ZNF445: variants seen among roughly 807,000 people sequenced by gnomAD.
The protein encoded by ZNF445 is zinc finger protein 168.
ZNF445 carries 19 observed loss-of-function variants against 93.9 expected under a neutral mutation model. The ratio of observed to expected loss-of-function variants is 0.20; its 90% CI spans 0.14 to 0.30. ZNF445 has a LOEUF of 0.30. Ranked by LOEUF, ZNF445 falls within the 10% of genes least tolerant of loss-of-function variation. The probability of loss-of-function intolerance (pLI) is 1.00; values close to 1 mark genes in which losing one functional copy is unlikely to be tolerated. For synonymous variants in ZNF445, 449 were observed against 446.3 expected, an observed-to-expected ratio of 1.01 and a Z score of -0.08; for missense variants, 1,058 against 1,259.4, an observed-to-expected ratio of 0.84 and a Z score of 2.42.
chr3:44,447,386 TAGG>T lies in ZNF445; in HGVS notation c.2282_2284del (p.Pro761_Tyr762delinsHis), dbSNP rs1383843512. On this transcript the variant is annotated inframe_deletion, in exon 8 of 8. Coordinates refer to ENST00000396077, the MANE Select transcript of ZNF445 (RefSeq NM_181489.6). This position sits in a 1 kb window ranked among gnomAD's most constrained non-coding sequence, Gnocchi z 4.7. ...GGCCTTGCCACACTGGCTGCATTTG[TAGG>T]GCTCCTCTTTGGAGTGACTGCTCTG... The T allele has an allele frequency of 1.2e-6, 2 of 1,614,168 alleles. No homozygotes were observed. Among genetic ancestry groups the T allele is most frequent in the Non-Finnish European group, 1.7e-6 (2 of 1,180,022 alleles).
intron 1 of ZNF445, among the ~76,000 whole-genome samples, chr3:44,459,242 T>C (rs1698074231): frequency 6.6e-6 from 1 of 152,216 alleles, no homozygotes; most frequent in South Asian, 2.1e-4. Flanking sequence ...AATAAATTGA[T>C]AAATGTGTTT....
At position 44,455,515 on chromosome 3, in the gene ZNF445, G is replaced by C; in HGVS notation, c.35C>G (p.Ala12Gly). 4 of 1,608,062 alleles carry C rather than the reference G, an allele frequency of 2.5e-6. No homozygotes were observed. The highest frequency in any genetic ancestry group is 3.4e-6 in the Non-Finnish European group (4 of 1,177,010). The change falls in exon 3 of 8, where the codon GCT becomes GGT. Residue 12 changes from alanine (A) to glycine (G), a missense_variant. Around this residue, in one of 3 missense-constraint regions of ZNF445, gnomAD observed 657 missense variants for 746.4 expected, o/e 0.88. Coordinates refer to ENST00000396077, the MANE Select transcript of ZNF445 (RefSeq NM_181489.6). Reference protein sequence around the residue: ...PPGRWHAAYPAQAQSSRERGR... With the variant: ...PPGRWHAAYPGQAQSSRERGR... ...TCGCTCCCTCGAAGACTGGGCCTGA[G>C]CTGGATAGGCAGCATGCCACCTGCC...
At chr3:44,452,116 T>C (rs976432443) in intron 3 of ZNF445, among the ~76,000 whole-genome samples, 4 of 152,132 alleles carry the variant, frequency 2.6e-5, no homozygotes, top group Non-Finnish European at 5.9e-5. Context: ...AGAGGAAGCA[T>C]TTGCCCTAAG....
In ZNF445 at chr3:44,449,527, A is replaced by T; in HGVS notation, c.917T>A (p.Val306Asp). 1 of 1,614,110 alleles carries T rather than the reference A, an allele frequency of 6.2e-7. No individual in the cohort carries two copies. The highest frequency in any genetic ancestry group is 8.5e-7 in the Non-Finnish European group (1 of 1,179,968). Residue 306 changes from valine (V) to aspartate (D), a missense_variant, in exon 7 of 8, where the codon GTT becomes GAT. This residue lies in a region of ZNF445 where 657 missense variants were observed against 746.4 expected (regional missense o/e 0.88). Transcript: ENST00000396077. ...CTGGAACTCACCTGTAGGAGCAGCA[A>T]CTGGATTCCCCTTAGGCTGAGCTGC... is the stretch of plus-strand genomic sequence containing the variant. Reference protein sequence around the residue: ...MQAAQPKGNPVAAPTGDDLQS... With the variant: ...MQAAQPKGNPDAAPTGDDLQS...
intron 1 of ZNF445, among the ~76,000 whole-genome samples, chr3:44,466,011 G>A (rs1698188876): frequency 6.6e-6 from 1 of 152,190 alleles, no homozygotes; most frequent in Non-Finnish European, 1.5e-5. Context: ...CTCTTTTGAA[G>A]ATGATTTTTA....
chr3:44,435,576 A>C lies in ZNF445; in HGVS notation c.*10999T>G, dbSNP rs1048695548. 2.6e-5 allele frequency: 4 copies of C among 152,212 alleles called. No individual in the cohort carries two copies. Among genetic ancestry groups the C allele is most frequent in the Non-Finnish European group, 5.9e-5 (4 of 68,030 alleles). The allele number at this position is 152,212 out of a possible 1,614,324, so 9.4% of individuals were successfully genotyped here. On this transcript the variant is annotated 3_prime_UTR_variant, in exon 8 of 8. Transcript: ENST00000396077. ...CTTTGATGGTGGCACTAATCTCAACAATCTCTCCAGGAATGTGGTATTAGT... is the reference window on the plus strand; with the variant it reads ...CTTTGATGGTGGCACTAATCTCAACCATCTCTCCAGGAATGTGGTATTAGT...
chr3:44,461,859 G>A (rs921871128), intron 1 of ZNF445, among the ~76,000 whole-genome samples: 1 of 151,980 alleles, frequency 6.6e-6, no homozygotes, highest in Non-Finnish European at 1.5e-5. Flanking sequence ...TTGTAAAGCG[G>A]CTTGAACCCC....
Position 44,439,632 on chromosome 3 carries a change from A to G in ZNF445, c.*6943T>C, listed in dbSNP as rs907823912. On this transcript the variant is annotated 3_prime_UTR_variant, in exon 8 of 8. Coordinates refer to ENST00000396077, the MANE Select transcript of ZNF445 (RefSeq NM_181489.6). Reference sequence around the variant, plus strand: ...TTCAGCTCCACAAGGTCCCTCTTCCAATCTCCCACCTTTCAACAATTCTAG... The same window carrying G: ...TTCAGCTCCACAAGGTCCCTCTTCCGATCTCCCACCTTTCAACAATTCTAG... 6.6e-6 allele frequency: 1 copy of G among 152,250 alleles called. No homozygotes were observed. The highest frequency in any genetic ancestry group is 2.1e-4 in the South Asian group (1 of 4,828). The allele number at this position is 152,250 out of a possible 1,614,324, so 9.4% of individuals were successfully genotyped here.
At chr3:44,460,606 G>C (rs942064971) in intron 1 of ZNF445, among the ~76,000 whole-genome samples, 5 of 152,066 alleles carry the variant, frequency 3.3e-5, no homozygotes, top group Admixed American at 6.6e-5. Context: ...CAAGACAGCT[G>C]CAACTCCCTA....
At chr3:44,461,087 GTC>G (rs1698107781) in intron 1 of ZNF445, among the ~76,000 whole-genome samples, 1 of 152,214 alleles carries the variant, frequency 6.6e-6, no homozygotes, top group South Asian at 2.1e-4. Context: ...ACCACAGGGT[GTC>G]TGTCTGTAGC....
chr3:44,464,631 T>A (rs1698166289), intron 1 of ZNF445, among the ~76,000 whole-genome samples: 1 of 152,186 alleles, frequency 6.6e-6, no homozygotes, highest in Non-Finnish European at 1.5e-5. Context: ...TGCTTTAAGG[T>A]CAAATTGTTT....
chr3:44,460,482 T>C (rs777995410), intron 1 of ZNF445, among the ~76,000 whole-genome samples: 3 of 152,302 alleles, frequency 2.0e-5, no homozygotes, highest in African/African-American at 2.4e-5. Flanking sequence ...GCTCCTAAGA[T>C]CAATGCCTGA....
chr3:44,460,380 G>A (rs1052579239), intron 1 of ZNF445, among the ~76,000 whole-genome samples: 2 of 152,170 alleles, frequency 1.3e-5, no homozygotes, highest in Non-Finnish European at 2.9e-5. Context: ...GGACTAGATT[G>A]CCTTTGTAGG....
chr3:44,472,447 A>G (rs12186016), intron 1 of ZNF445, among the ~76,000 whole-genome samples: 2,330 of 152,292 alleles, frequency 0.015, 26 homozygotes, highest in Middle Eastern at 0.027. Context: ...CTGGGCTCAC[A>G]CAATTCTTCT....
intron 1 of ZNF445, among the ~76,000 whole-genome samples, chr3:44,466,427 T>C (rs1040379816): frequency 6.6e-6 from 1 of 152,234 alleles, no homozygotes; most frequent in Non-Finnish European, 1.5e-5. Context: ...TGAAATGGTG[T>C]TTGGCTTTCT....
rs1697667725 is a variant in ZNF445 at position 44,435,800 on chromosome 3, G to A, written c.*10775C>T. The A allele has an allele frequency of 6.6e-6, 1 of 152,140 alleles. No individual in the cohort carries two copies. The highest frequency in any genetic ancestry group is 1.5e-5 in the Non-Finnish European group (1 of 68,036). 9.4% of individuals were successfully genotyped at this position (152,140 alleles called of 1,614,324 possible). ...CAGGAATCTACTAGATCTACTGTGA[G>A]ATGAATCTGAGCCAAAAAGCCCATT... On this transcript the variant is annotated 3_prime_UTR_variant, in exon 8 of 8. Coordinates refer to ENST00000396077, the MANE Select transcript of ZNF445 (RefSeq NM_181489.6).
rs534322768 is a variant in ZNF445 at position 44,433,080 on chromosome 3, C to T, written c.*13495G>A. 1 of 152,096 alleles carries T rather than the reference C, an allele frequency of 6.6e-6. No individual in the cohort carries two copies. The highest frequency in any genetic ancestry group is 2.1e-4 in the South Asian group (1 of 4,818). The allele number at this position is 152,096 out of a possible 1,614,324, so 9.4% of individuals were successfully genotyped here. ...AGTACCACAGGAAGGAGATACTCTC[C>T]ATCTCTCACCACCCAAAGCTTCCTG... is the stretch of plus-strand genomic sequence containing the variant. On this transcript the variant is annotated 3_prime_UTR_variant, in exon 8 of 8. Coordinates refer to ENST00000396077, the MANE Select transcript of ZNF445 (RefSeq NM_181489.6).
chr3:44,449,481 G>C, intron 7 of ZNF445, 32 bp downstream of exon 7: 1 of 1,515,544 alleles, frequency 6.6e-7, no homozygotes, highest in Non-Finnish European at 9.2e-7. Context: ...AAAGCAGGAG[G>C]AGCAGGACCT....
chr3:44,453,420 G>C (rs947718974), intron 3 of ZNF445, among the ~76,000 whole-genome samples: 1 of 151,706 alleles, frequency 6.6e-6, no homozygotes, highest in Admixed American at 6.6e-5. Context: ...TCAGCCTCCT[G>C]AGTAGCTGGG....
Sources: gnomAD v4.1 joint callset for allele counts (sites outside exome capture counted in the v4.1 genomes callset) on GRCh38, gnomAD v4.1.1 for gene constraint, gnomAD v4.1.1 regional missense constraint, Gnocchi (gnomAD v3.1) non-coding constraint, MANE v1.5 for transcripts, NCBI Gene and HGNC (gene_info 2026-07-23, HGNC 2026-07-21) for gene names.